The following RIF1 variants were observed in gnomAD, a reference collection of about 807,000 sequenced individuals.
RIF1 encodes the protein telomere-associated protein RIF1.
RIF1 carries 45 observed loss-of-function variants against 247.1 expected under a neutral mutation model. The observed-to-expected ratio is 0.18, with a 90% CI of 0.14 to 0.23. The LOEUF (loss-of-function observed/expected upper bound fraction) is 0.23. RIF1 is among the 10% of genes least tolerant of loss of function. RIF1 has a pLI of 1.00. For synonymous variants in RIF1, 1,087 were observed against 978.8 expected (o/e 1.11, Z -2.06); for missense variants, 2,967 against 2,862.5 (o/e 1.04, Z -0.83).
intron 10 of RIF1, chr2:151,495,447 G>GATACGTGCTA (rs2059564139): frequency 6.6e-6 from 1 of 151,218 alleles, no homozygotes; most frequent in Admixed American, 6.6e-5. Flanking sequence ...ACGTTATTCT[G>GATACGTGCTA]ATGCGTGCTA....
chr2:151,443,488 C>T (rs1574022573), intron 17 of RIF1, 41 bp from the exon 18 acceptor site: 3 of 1,489,608 alleles, frequency 2.0e-6, no homozygotes, highest in Admixed American at 2.4e-5. Context: ...TAATATATTC[C>T]TGCCAAAAAG....
Position 151,464,055 on chromosome 2 carries a change from A to G in RIF1, c.4535A>G (p.Lys1512Arg). ...NKKKADPENIKSEGDGTQDIV... is the reference protein window; with the variant it reads ...NKKKADPENIRSEGDGTQDIV... Reference sequence around the variant, plus strand: ...AAAAAGGCAGACCCTGAGAACATTAAGTCTGAGGGGGATGGTACCCAGGAC... The same window carrying G: ...AAAAAGGCAGACCCTGAGAACATTAGGTCTGAGGGGGATGGTACCCAGGAC... Residue 1512 changes from lysine (K) to arginine (R), a missense_variant, in exon 30 of 36, where the codon AAG (lysine) becomes AGG (arginine). Around this residue, in one of 7 missense-constraint regions of RIF1, gnomAD observed 2,028 missense variants for 1,825.6 expected, o/e 1.11. Coordinates refer to ENST00000444746, the MANE Select transcript of RIF1 (RefSeq NM_018151.5). The G allele has an allele frequency of 1.2e-6, 2 of 1,612,722 alleles. No individual in the cohort carries two copies. Among genetic ancestry groups the G allele is most frequent in the Non-Finnish European group, 1.7e-6 (2 of 1,179,688 alleles).
rs548516002 is a variant in RIF1 at position 151,432,047 on chromosome 2, C to G, written c.926-1030C>G. ...TATTCAGGACGGAGTCTCACTCTGTCACCCAGCCTGGAGTGCAGTGGTGTG... is the reference window on the plus strand; with the variant it reads ...TATTCAGGACGGAGTCTCACTCTGTGACCCAGCCTGGAGTGCAGTGGTGTG... On this transcript the variant is annotated intron_variant, in intron 9 of 35. Transcript: ENST00000444746. Among the ~76,000 whole-genome samples, 14 of 152,234 alleles carry G rather than the reference C, an allele frequency of 9.2e-5. No homozygotes were observed. The South Asian group carries it at 2.9e-3, about 32-fold the overall frequency.
the RIF1 span, chr2:151,529,306 G>A: frequency 6.2e-7 from 1 of 1,605,680 alleles, no homozygotes; most frequent in African/African-American, 1.3e-5. Flanking sequence ...ATACTTCTTT[G>A]TATTTCAGCT....
intron 9 of RIF1, 112 bp from the exon 10 acceptor site, chr2:151,432,962 TAAA>T: frequency 1.3e-6 from 1 of 799,002 alleles, no homozygotes; most frequent in Non-Finnish European, 1.8e-6. Flanking sequence ...TTTATTTTTT[TAAA>T]AAAATTTTAA....
Position 151,436,890 on chromosome 2 carries a change from G to C in RIF1, c.1259G>C (p.Gly420Ala). 2 of 1,613,686 alleles carry C rather than the reference G, an allele frequency of 1.2e-6. No individual in the cohort carries two copies. Among genetic ancestry groups the C allele is most frequent in the Non-Finnish European group, 8.5e-7 (1 of 1,179,786 alleles). ...PRMNLSSNLG[G>A]MATIPSIQLL... ...ATGAACCTGAGTTCGAATTTAGGTG[G>C]AATGGCCACAATCCCATCCATTCAA... is the stretch of plus-strand genomic sequence containing the variant. Residue 420 changes from glycine (G) to alanine (A), a missense_variant, in exon 12 of 36, where the codon GGA becomes GCA. Gly to Ala is a moderately conservative substitution (Grantham distance 60). Transcript: ENST00000444746.
chr2:151,527,867 C>G, the RIF1 span, among the ~76,000 whole-genome samples: 2 of 152,210 alleles, frequency 1.3e-5, no homozygotes, highest in Admixed American at 6.5e-5. Context: ...CCAGCCTAAT[C>G]ATCTTCAGAA....
intron 31 of RIF1, 114 bp downstream of exon 31, chr2:151,468,260 A>G (rs749210456): frequency 9.1e-7 from 1 of 1,093,472 alleles, no homozygotes; most frequent in Non-Finnish European, 1.3e-6. Context: ...GGTTTAAAAT[A>G]TATTCTTTTG....
At chr2:151,494,536 A>G (rs1050553071) in intron 9 of RIF1, among the ~76,000 whole-genome samples, 21 of 152,332 alleles carry the variant, frequency 1.4e-4, no homozygotes, top group Admixed American at 5.9e-4. Context: ...TAGTCTCTCA[A>G]TGTCAAGCCC....
chr2:151,443,774 G>A, intron 18 of RIF1, 65 bp downstream of exon 18: 1 of 941,572 alleles, frequency 1.1e-6, no homozygotes, highest in Non-Finnish European at 1.5e-6. Context: ...TGCAGTTGGG[G>A]AAATGAATAG....
chr2:151,497,588 A>G lies in RIF1; in HGVS notation c.*514-1757A>G, dbSNP rs775582829. ...TTAAATCATGAAAGTTTTCAAAATC[A>G]TTAAATAAGTAGTTTTTTTCTTTTC... On this transcript the variant is annotated intron_variant and NMD_transcript_variant, in intron 10 of 13. Transcript: ENST00000454583. The G allele has an allele frequency of 8.4e-6, 13 of 1,542,222 alleles. No individual in the cohort carries two copies. In the South Asian group the frequency reaches 1.2e-4, roughly 14 times the overall value.
downstream of RIF1, among the ~76,000 whole-genome samples, chr2:151,511,060 A>T (rs561461904): frequency 6.6e-6 from 1 of 152,258 alleles, no homozygotes; most frequent in Admixed American, 6.5e-5. Flanking sequence ...AGAGAGCCCC[A>T]GGAGAGCAGA....
Position 151,478,788 on chromosome 2 carries a change from ATTC to A in RIF1, c.*3721_*3723del, listed in dbSNP as rs2049050559. Reference sequence around the variant, plus strand: ...AAGAAAGGCCTAGGTTTCATCTCATATTCTTCATAATTGATTTTCAAGAAGTTA... The same window carrying A: ...AAGAAAGGCCTAGGTTTCATCTCATATTCATAATTGATTTTCAAGAAGTTA... On this transcript the variant is annotated 3_prime_UTR_variant, in exon 36 of 36. Transcript: ENST00000444746. 1 of 152,124 alleles carries A rather than the reference ATTC, an allele frequency of 6.6e-6. No homozygotes were observed. The allele number at this position is 152,124 out of a possible 1,614,324, so 9.4% of individuals were successfully genotyped here.
Position 151,494,585 on chromosome 2 carries a change from T to G in RIF1, c.*416-644T>G, listed in dbSNP as rs181077987. ...CAAACAGGAGTTACAGGCATGAGCT[T>G]CAATCACACTGAGAAGGTTGAGGCT... On this transcript the variant is annotated intron_variant and NMD_transcript_variant, in intron 9 of 13. Coordinates refer to the RIF1 transcript ENST00000454583. 2.0e-5 allele frequency among the ~76,000 whole-genome samples: 3 copies of G among 152,250 alleles called. No homozygotes were observed. The East Asian group carries it at 5.8e-4, about 29-fold the overall frequency.
In RIF1 at chr2:151,462,336, C is replaced by T. The variant is rs770380188; in HGVS notation, c.3308+14C>T. ...GGAAGAGCCTATGTAAGTACAGAAG[C>T]CATCAAACTTTTATATCTGTTTTAT... On this transcript the variant is annotated intron_variant, in intron 28 of 35. Transcript: ENST00000444746. 2.6e-6 allele frequency: 4 copies of T among 1,526,746 alleles called. No individual in the cohort carries two copies. The Admixed American group carries it at 7.5e-5, about 28-fold the overall frequency. The allele number at this position is 1,526,746 out of a possible 1,614,324, so 94.6% of individuals were successfully genotyped here.
chr2:151,526,339 T>A, the RIF1 span: 1 of 980,588 alleles, frequency 1.0e-6, no homozygotes, highest in Non-Finnish European at 1.6e-6. Flanking sequence ...CTCAAACCAG[T>A]AGAACAGCAG....
Position 151,468,523 on chromosome 2 carries a change from C to T in RIF1, c.6797C>T (p.Pro2266Leu), listed in dbSNP as rs777718989. 6.2e-6 allele frequency: 10 copies of T among 1,613,388 alleles called. No individual in the cohort carries two copies. The highest frequency in any genetic ancestry group is 5.0e-5 in the Admixed American group (3 of 59,978). ...KGFLSPGSRS[P>L]KFKSSKKCLI... ...TTTCTGTCCCCAGGATCACGTAGCC[C>T]TAAATTTAAGAGCTCAAAGAAGTGT... Residue 2266 changes from proline to leucine, a missense_variant, in exon 32 of 36, where the codon CCT (proline) becomes CTT (leucine). Pro to Leu is a moderately conservative substitution (Grantham distance 98). Transcript: ENST00000444746.
chr2:151,475,214 T>A lies in RIF1; in HGVS notation c.*143T>A. On this transcript the variant is annotated 3_prime_UTR_variant, in exon 36 of 36. Coordinates refer to ENST00000444746, the MANE Select transcript of RIF1 (RefSeq NM_018151.5). ...TTTCAAACCCTGAAGGACAGTGACT[T>A]ATTATGTAAGTTCAATTTTGTAAGT... 1 of 636,784 alleles carries A rather than the reference T, an allele frequency of 1.6e-6. No homozygotes were observed. The highest frequency in any genetic ancestry group is 2.7e-6 in the Non-Finnish European group (1 of 368,000). The allele number at this position is 636,784 out of a possible 1,614,324, so 39.4% of individuals were successfully genotyped here.
At chr2:151,506,016 T>C in intron 12 of RIF1, 1 of 726,418 alleles carries the variant, frequency 1.4e-6, no homozygotes, top group South Asian at 1.6e-5. Flanking sequence ...ATGAGATGAC[T>C]CTAGCCACTG....
Sources: allele counts gnomAD v4.1 joint callset (sites outside exome capture counted in the v4.1 genomes callset), GRCh38; gene constraint gnomAD v4.1.1; regional missense constraint gnomAD v4.1.1; transcripts MANE v1.5; gene names NCBI Gene and HGNC (gene_info 2026-07-23, HGNC 2026-07-21).